TUSC3: variants seen among roughly 807,000 people sequenced by gnomAD.
TUSC3 encodes tumor suppressor candidate 3.
Under a neutral mutation model 44.8 loss-of-function variants are expected in TUSC3, and 45 were observed. The observed-to-expected ratio is 1.00, with a 90% CI of 0.79 to 1.29. The LOEUF (loss-of-function observed/expected upper bound fraction) is 1.29. Among genes scored for constraint, TUSC3 ranks in the 50% most tolerant of loss-of-function variants. TUSC3 has a pLI of 0.00. For synonymous variants in TUSC3, 212 were observed against 152.9 expected (o/e 1.39, Z -2.85); for missense variants, 519 against 437.9 (o/e 1.19, Z -1.65).
At chr8:15,632,233 A>G (rs1250104993) in intron 2 of TUSC3, among the ~76,000 whole-genome samples, 1 of 152,176 alleles carries the variant, frequency 6.6e-6, no homozygotes, top group Non-Finnish European at 1.5e-5. Flanking sequence ...ACACTTAAAC[A>G]AGAAAGTATT....
the TUSC3 span, among the ~76,000 whole-genome samples, chr8:15,796,179 T>C: frequency 3.4e-3 from 523 of 152,242 alleles, 1 homozygote; most frequent in African/African-American, 0.012. Flanking sequence ...GCATGCCTGA[T>C]ACAATGATGG....
At chr8:15,747,056 GTTGT>G (rs1284268651) in intron 8 of TUSC3, among the ~76,000 whole-genome samples, 1 of 151,966 alleles carries the variant, frequency 6.6e-6, no homozygotes, top group African/African-American at 2.4e-5. Context: ...AAATGTTTGT[GTTGT>G]TTCACAATTC....
At chr8:15,433,803 C>T (rs946616634) in intron 1 of TUSC3, among the ~76,000 whole-genome samples, 3 of 152,008 alleles carry the variant, frequency 2.0e-5, no homozygotes, top group African/African-American at 7.2e-5. Context: ...TAGAAATATA[C>T]GTTATATGGA....
intron 1 of TUSC3, among the ~76,000 whole-genome samples, chr8:15,480,685 G>T (rs1800646493): frequency 6.6e-6 from 1 of 152,102 alleles, no homozygotes; most frequent in Admixed American, 6.5e-5. Context: ...GTCCCTCCCT[G>T]CACCTGCATC....
At chr8:15,574,873 C>T (rs1360311425) in intron 1 of TUSC3, among the ~76,000 whole-genome samples, 1 of 152,108 alleles carries the variant, frequency 6.6e-6, no homozygotes, top group East Asian at 1.9e-4. Context: ...ACCTAATAAA[C>T]ATATTCAACT....
intron 1 of TUSC3, among the ~76,000 whole-genome samples, chr8:15,587,055 G>T (rs1038784444): frequency 1.1e-4 from 16 of 152,126 alleles, no homozygotes; most frequent in African/African-American, 3.6e-4. Context: ...TACTCCCTTC[G>T]ACATGCCTAA....
At chr8:15,534,605 T>C (rs1036616963) in intron 2 of TUSC3, among the ~76,000 whole-genome samples, 1 of 147,464 alleles carries the variant, frequency 6.8e-6, no homozygotes, top group Non-Finnish European at 1.5e-5. Flanking sequence ...ATCGCGCCAC[T>C]GCACTCCAGC....
the TUSC3 span, among the ~76,000 whole-genome samples, chr8:15,828,334 A>G: frequency 1.6e-4 from 25 of 152,184 alleles, no homozygotes; most frequent in Admixed American, 1.4e-3. Flanking sequence ...GATTGGTTTT[A>G]TAAACCTAGT....
At chr8:15,824,285 C>G in the TUSC3 span, among the ~76,000 whole-genome samples, 7 of 152,166 alleles carry the variant, frequency 4.6e-5, no homozygotes, top group African/African-American at 1.7e-4. Context: ...CTTTCAATGT[C>G]TATTTATACA....
chr8:15,760,159 A>C (rs1812112307), intron 10 of TUSC3, among the ~76,000 whole-genome samples: 1 of 152,182 alleles, frequency 6.6e-6, no homozygotes. Context: ...TTAATAGCTA[A>C]TAACAAAGAG....
intron 2 of TUSC3, among the ~76,000 whole-genome samples, chr8:15,496,286 C>A (rs2129126391): frequency 6.6e-6 from 1 of 152,294 alleles, no homozygotes; most frequent in Admixed American, 6.5e-5. Flanking sequence ...CTGCCCTCTG[C>A]TAAAGCAATA....
At chr8:15,774,760 A>C in the TUSC3 span, among the ~76,000 whole-genome samples, 2 of 152,188 alleles carry the variant, frequency 1.3e-5, no homozygotes, top group Non-Finnish European at 2.9e-5. Flanking sequence ...AATGCAAATC[A>C]AAATCAAAAT....
At chr8:15,682,203 ATTTC>A (rs1327015191) in intron 6 of TUSC3, among the ~76,000 whole-genome samples, 1 of 151,970 alleles carries the variant, frequency 6.6e-6, no homozygotes, top group Non-Finnish European at 1.5e-5. Flanking sequence ...TAAGTTCAGA[ATTTC>A]TTTGTTAATT....
At chr8:15,658,652 A>ACG (rs1807280816) in intron 3 of TUSC3, among the ~76,000 whole-genome samples, 7 of 150,798 alleles carry the variant, frequency 4.6e-5, no homozygotes, top group African/African-American at 1.7e-4. Flanking sequence ...ACACACACAC[A>ACG]CACACACAAA....
chr8:15,622,481 T>C (rs1458823494), intron 1 of TUSC3, among the ~76,000 whole-genome samples: 1 of 151,970 alleles, frequency 6.6e-6, no homozygotes, highest in Non-Finnish European at 1.5e-5. Context: ...CTCCCAAACC[T>C]CCCTAGGAAC....
At chr8:15,478,771 A>G (rs1390849239) in intron 1 of TUSC3, among the ~76,000 whole-genome samples, 21 of 152,186 alleles carry the variant, frequency 1.4e-4, no homozygotes, top group Admixed American at 1.4e-3. Context: ...TAACAGAATG[A>G]TTTATACTCC....
At chr8:15,605,765 C>T (rs1017793802) in intron 1 of TUSC3, among the ~76,000 whole-genome samples, 3 of 151,972 alleles carry the variant, frequency 2.0e-5, no homozygotes, top group African/African-American at 7.2e-5. Context: ...TCACACATGA[C>T]ACCACTTGCA....
At chr8:15,816,721 C>A in the TUSC3 span, among the ~76,000 whole-genome samples, 1 of 152,254 alleles carries the variant, frequency 6.6e-6, no homozygotes, top group African/African-American at 2.4e-5. Context: ...CAAATTACAC[C>A]TTTTCCAATA....
chr8:15,690,072 A>C (rs1808833053), intron 6 of TUSC3, among the ~76,000 whole-genome samples: 1 of 152,098 alleles, frequency 6.6e-6, no homozygotes. Context: ...TTCTGTTTTA[A>C]GCTCTTTGAG....
Sources: gnomAD v4.1 joint callset for allele counts (sites outside exome capture counted in the v4.1 genomes callset) on GRCh38, gnomAD v4.1.1 for gene constraint, MANE v1.5 for transcripts, NCBI Gene and HGNC (gene_info 2026-07-23, HGNC 2026-07-21) for gene names.